The following ZNF334 variants were observed in gnomAD, a reference collection of about 807,000 sequenced individuals.
ZNF334 encodes the protein zinc finger protein 334.
A neutral mutation model predicts 12.4 loss-of-function variants in ZNF334; 14 were observed. That is an observed-to-expected ratio of 1.13 (90% CI 0.74 to 1.76). ZNF334 has a LOEUF of 1.76. Among genes scored for constraint, ZNF334 ranks in the 40% most tolerant of loss-of-function variants. The pLI is 0.00. For synonymous variants in ZNF334, 273 were observed against 269.6 expected, an observed-to-expected ratio of 1.01 and a Z score of -0.12; for missense variants, 797 against 804.5, an observed-to-expected ratio of 0.99 and a Z score of 0.11.
At chr20:46,497,685 T>C (rs2145921742), downstream of ZNF334, among the ~76,000 whole-genome samples, 1 of 152,284 alleles carries the variant, frequency 6.6e-6, no homozygotes, top group African/African-American at 2.4e-5. Context: ...GAAAGACAAA[T>C]GGGAAGATAA....
At position 46,501,812 on chromosome 20, in the gene ZNF334, T is replaced by C. The variant is rs1436231558; in HGVS notation, c.1527A>G (p.Arg509=). The C allele has an allele frequency of 6.2e-7, 1 of 1,614,018 alleles. No individual in the cohort carries two copies. Among genetic ancestry groups the C allele is most frequent in the African/African-American group, 1.3e-5 (1 of 74,908 alleles). The change falls in exon 5 of 5, where the codon AGA becomes AGG. Residue 509 remains arginine (R), a synonymous_variant. Transcript: ENST00000692313. ...CATAAAGATTCTCCTTTGTGTTCAT[T>C]CTCTTACACTGACTGCAGTTTGACT... is the stretch of plus-strand genomic sequence containing the variant. ...IVKSNCSQCK[R]MNTKENLYEC... is the part of the protein sequence containing the mutation.
At position 46,507,824 on chromosome 20, in the gene ZNF334, CATTTT is replaced by C. The variant is rs560240960; in HGVS notation, c.22-3089_22-3085del. ...TTAAACCAGAAGTAGTTACATTATCCATTTTATTTCTTCCATGAATTACTTCCTCT... is the reference window on the plus strand; with the variant it reads ...TTAAACCAGAAGTAGTTACATTATCCATTTCTTCCATGAATTACTTCCTCT... On this transcript the variant is annotated intron_variant, in intron 2 of 4. Transcript: ENST00000692313. Among the ~76,000 whole-genome samples, 87 of 152,330 alleles carry C rather than the reference CATTTT, an allele frequency of 5.7e-4. 3 individuals are homozygous for C. In the South Asian group the frequency reaches 0.017, roughly 29 times the overall value.
chr20:46,477,397 G>C, the ZNF334 span, among the ~76,000 whole-genome samples: 3 of 151,764 alleles, frequency 2.0e-5, no homozygotes, highest in South Asian at 4.2e-4. Flanking sequence ...GGAGTGCAGT[G>C]ATGTGATCAT....
chr20:46,502,834 C>A lies in ZNF334; in HGVS notation c.505G>T (p.Gly169Trp), dbSNP rs1555856152. The change falls in exon 5 of 5, where the codon GGG (glycine) becomes TGG (tryptophan). Residue 169 changes from glycine to tryptophan, a missense_variant. Transcript: ENST00000692313. ...RKIPDGYSGF[G>W]KHEKSHLGMK... ...CCCAAATGACTTTTCTCATGCTTCCCAAATCCACTGTATCCATCAGGAATC... is the reference window on the plus strand; with the variant it reads ...CCCAAATGACTTTTCTCATGCTTCCAAAATCCACTGTATCCATCAGGAATC... 2 of 1,613,942 alleles carry A rather than the reference C, an allele frequency of 1.2e-6. No homozygotes were observed.
intron 2 of ZNF334, chr20:46,506,615 T>C (rs1160053243): frequency 3.0e-6 from 1 of 334,918 alleles, no homozygotes; most frequent in African/African-American, 2.1e-5. Flanking sequence ...CAAGACCTCA[T>C]CTCAAAAAAA....
downstream of ZNF334, among the ~76,000 whole-genome samples, chr20:46,496,527 G>A (rs1237738669): frequency 1.3e-5 from 2 of 152,216 alleles, no homozygotes; most frequent in Non-Finnish European, 2.9e-5. Context: ...GGAGGGTGGT[G>A]CCTTTGAAAT....
chr20:46,498,122 C>T (rs1032706527), downstream of ZNF334, among the ~76,000 whole-genome samples: 2 of 152,182 alleles, frequency 1.3e-5, no homozygotes, highest in Non-Finnish European at 2.9e-5. Context: ...CTGTTTTCAG[C>T]GCGTCTCCTC....
Position 46,500,337 on chromosome 20 carries a change from T to C in ZNF334, c.*959A>G, listed in dbSNP as rs1219486047. 1 of 152,216 alleles carries C rather than the reference T, an allele frequency of 6.6e-6. No homozygotes were observed. Among genetic ancestry groups the C allele is most frequent in the East Asian group, 1.9e-4 (1 of 5,196 alleles). 9.4% of individuals were successfully genotyped at this position (152,216 alleles called of 1,614,324 possible). ...AGTGGCAATCCTACCTCATCATATATATCCATATAATGTAATCCTAATCAG... is the reference window on the plus strand; with the variant it reads ...AGTGGCAATCCTACCTCATCATATACATCCATATAATGTAATCCTAATCAG... On this transcript the variant is annotated 3_prime_UTR_variant, in exon 5 of 5. Coordinates refer to ENST00000692313, the MANE Select transcript of ZNF334 (RefSeq NM_001353824.2).
At chr20:46,464,740 C>A in the ZNF334 span, 4 of 487,996 alleles carry the variant, frequency 8.2e-6, no homozygotes, top group South Asian at 3.3e-5. Flanking sequence ...TTGGTCACTG[C>A]AGAAAGGGGC....
the ZNF334 span, among the ~76,000 whole-genome samples, chr20:46,488,444 A>ATATATATATATATATAT: frequency 2.0e-4 from 17 of 84,188 alleles, no homozygotes; most frequent in African/African-American, 9.6e-4. Flanking sequence ...TATATATATA[A>ATATATATATATATATAT]ATACCATAAT....
At chr20:46,475,461 AC>A in the ZNF334 span, among the ~76,000 whole-genome samples, 22 of 152,192 alleles carry the variant, frequency 1.4e-4, no homozygotes, top group Non-Finnish European at 1.5e-5. Flanking sequence ...TCTGTGAAAG[AC>A]AAGTGAAGAG....
downstream of ZNF334, among the ~76,000 whole-genome samples, chr20:46,497,280 T>C (rs2061040249): frequency 6.6e-6 from 1 of 152,214 alleles, no homozygotes; most frequent in Admixed American, 6.5e-5. Flanking sequence ...TCCAGGAGCA[T>C]CAGGCTTCTG....
the ZNF334 span, among the ~76,000 whole-genome samples, chr20:46,478,368 T>C: frequency 6.6e-6 from 1 of 152,214 alleles, no homozygotes; most frequent in Non-Finnish European, 1.5e-5. Flanking sequence ...ATAAGCAGAT[T>C]CAAATACTTT....
chr20:46,498,906 G>A (rs2061068696), downstream of ZNF334, among the ~76,000 whole-genome samples: 1 of 152,006 alleles, frequency 6.6e-6, no homozygotes, highest in South Asian at 2.1e-4. Flanking sequence ...CGGGCGCGGT[G>A]GCTCACGCCT....
At chr20:46,506,473 A>T (rs2145976906) in intron 2 of ZNF334, 1 of 406,140 alleles carries the variant, frequency 2.5e-6, no homozygotes, top group Non-Finnish European at 4.3e-6. Context: ...AAAAAAATAA[A>T]AAAAAATTAG....
At position 46,501,817 on chromosome 20, in the gene ZNF334, T is replaced by C. The variant is rs2061188521; in HGVS notation, c.1522A>G (p.Lys508Glu). 1.2e-6 allele frequency: 2 copies of C among 1,614,054 alleles called. No homozygotes were observed. Among genetic ancestry groups the C allele is most frequent in the Non-Finnish European group, 1.7e-6 (2 of 1,180,002 alleles). Reference protein sequence around the residue: ...SIVKSNCSQCKRMNTKENLYE... With the variant: ...SIVKSNCSQCERMNTKENLYE... ...AGATTCTCCTTTGTGTTCATTCTCT[T>C]ACACTGACTGCAGTTTGACTTCACA... is the stretch of plus-strand genomic sequence containing the variant. The change falls in exon 5 of 5, where the codon AAG (lysine) becomes GAG (glutamate). Residue 508 changes from lysine to glutamate, a missense_variant. Coordinates refer to ENST00000692313, the MANE Select transcript of ZNF334 (RefSeq NM_001353824.2).
At chr20:46,507,189 G>A (rs1424296956) in intron 2 of ZNF334, among the ~76,000 whole-genome samples, 1 of 151,492 alleles carries the variant, frequency 6.6e-6, no homozygotes, top group Non-Finnish European at 1.5e-5. Flanking sequence ...GAAAAGAAAG[G>A]AGAAATGAAG....
At chr20:46,489,216 G>A in the ZNF334 span, among the ~76,000 whole-genome samples, 4 of 151,962 alleles carry the variant, frequency 2.6e-5, no homozygotes, top group East Asian at 7.7e-4. Context: ...TTTTTAATAG[G>A]ACTCACATTT....
chr20:46,498,196 G>A (rs760309397), downstream of ZNF334, among the ~76,000 whole-genome samples: 5 of 152,160 alleles, frequency 3.3e-5, no homozygotes, highest in Non-Finnish European at 5.9e-5. Context: ...CTGTGAGATG[G>A]CTCCAGAGGT....
Sources: gnomAD v4.1 joint callset for allele counts (sites outside exome capture counted in the v4.1 genomes callset) on GRCh38, gnomAD v4.1.1 for gene constraint, MANE v1.5 for transcripts, NCBI Gene and HGNC (gene_info 2026-07-23, HGNC 2026-07-21) for gene names.